The following PTPRD variants were observed in gnomAD, a reference collection of about 807,000 sequenced individuals.
PTPRD encodes the protein protein tyrosine phosphatase receptor type D.
In PTPRD, 34 loss-of-function variants were observed where a neutral mutation model predicts 214.5. That is an observed-to-expected ratio of 0.16 (90% CI 0.12 to 0.21). PTPRD has a LOEUF of 0.21. Ranked by LOEUF, PTPRD falls within the 10% of genes least tolerant of loss-of-function variation. PTPRD has a pLI of 1.00. For synonymous variants in PTPRD, 1,128 were observed against 845.7 expected (o/e 1.33, Z -5.79); for missense variants, 2,545 against 2,398.7 (o/e 1.06, Z -1.27).
At chr9:9,642,098 A>G (rs903180180) in intron 7 of PTPRD, among the ~76,000 whole-genome samples, 3 of 148,880 alleles carry the variant, frequency 2.0e-5, no homozygotes, top group African/African-American at 7.5e-5. Context: ...AAAAATGATG[A>G]GTTCATATCC....
chr9:8,356,791 A>C (rs1229336692), intron 39 of PTPRD, among the ~76,000 whole-genome samples: 1 of 152,192 alleles, frequency 6.6e-6, no homozygotes, highest in Non-Finnish European at 1.5e-5. Context: ...CAGGAAAAAA[A>C]TAACCAATTA....
At chr9:9,574,417 T>C (rs1307101625) in intron 8 of PTPRD, among the ~76,000 whole-genome samples, 2 of 151,988 alleles carry the variant, frequency 1.3e-5, no homozygotes, top group Non-Finnish European at 2.9e-5. Flanking sequence ...ATAGACTTCA[T>C]TATGAAAAAT....
At chr9:10,086,932 C>T (rs1046211343) in intron 3 of PTPRD, among the ~76,000 whole-genome samples, 1 of 151,746 alleles carries the variant, frequency 6.6e-6, no homozygotes, top group African/African-American at 2.4e-5. Flanking sequence ...TTATAGCAGT[C>T]TCCACTTTTA....
At chr9:9,377,146 C>T (rs2061005480) in intron 9 of PTPRD, among the ~76,000 whole-genome samples, 1 of 151,714 alleles carries the variant, frequency 6.6e-6, no homozygotes, top group Non-Finnish European at 1.5e-5. Context: ...ATAAAAACAT[C>T]CAGTTATAAG....
At chr9:8,675,832 C>T (rs1341090044) in intron 12 of PTPRD, among the ~76,000 whole-genome samples, 10 of 152,196 alleles carry the variant, frequency 6.6e-5, no homozygotes, top group Non-Finnish European at 5.9e-5. Context: ...TCTATATTTA[C>T]AGTAGCATCC....
At chr9:9,952,912 T>C (rs542712552) in intron 4 of PTPRD, among the ~76,000 whole-genome samples, 7 of 152,138 alleles carry the variant, frequency 4.6e-5, no homozygotes, top group Admixed American at 2.6e-4. Context: ...CTTAAATACC[T>C]ATATAAGAAT....
chr9:8,421,765 A>T (rs2094381487), intron 35 of PTPRD, among the ~76,000 whole-genome samples: 1 of 152,152 alleles, frequency 6.6e-6, no homozygotes, highest in Non-Finnish European at 1.5e-5. Flanking sequence ...CAAAGGTAGA[A>T]AAAAAAGCCC....
At chr9:9,702,374 T>C (rs2097523632) in intron 7 of PTPRD, among the ~76,000 whole-genome samples, 1 of 152,148 alleles carries the variant, frequency 6.6e-6, no homozygotes, top group African/African-American at 2.4e-5. Context: ...TATAATATCA[T>C]GGAACCCAAA....
At chr9:9,503,945 T>G (rs1396082202) in intron 8 of PTPRD, among the ~76,000 whole-genome samples, 1 of 151,804 alleles carries the variant, frequency 6.6e-6, no homozygotes, top group Non-Finnish European at 1.5e-5. Context: ...CCACTTTTGT[T>G]ATCCATTATT....
chr9:8,722,123 C>CTGTGTGTGTGTGTGTGTGTGTG (rs34720946), intron 12 of PTPRD, among the ~76,000 whole-genome samples: 26 of 147,480 alleles, frequency 1.8e-4, no homozygotes, highest in African/African-American at 3.5e-4. Flanking sequence ...AAGTATTACT[C>CTGTGTGTGTGTGTGTGTGTGTG]TGTGTGTGTG....
intron 11 of PTPRD, chr9:8,962,916 G>T (rs1262876380): frequency 3.9e-5 from 6 of 152,030 alleles, no homozygotes. Flanking sequence ...CGGCAATGTG[G>T]CTCTTAGGAA....
At chr9:9,989,305 T>C (rs2095832094) in intron 4 of PTPRD, among the ~76,000 whole-genome samples, 1 of 152,220 alleles carries the variant, frequency 6.6e-6, no homozygotes, top group East Asian at 1.9e-4. Flanking sequence ...CACTTGAATG[T>C]TGCCTTTTCC....
intron 9 of PTPRD, among the ~76,000 whole-genome samples, chr9:9,318,904 C>T (rs926672423): frequency 6.6e-6 from 1 of 152,136 alleles, no homozygotes; most frequent in Non-Finnish European, 1.5e-5. Flanking sequence ...TAGATTCATG[C>T]ATTGATTTAT....
chr9:10,053,418 G>T (rs1412758969), intron 3 of PTPRD, among the ~76,000 whole-genome samples: 2 of 152,068 alleles, frequency 1.3e-5, no homozygotes, highest in Non-Finnish European at 2.9e-5. Context: ...CTTGACTGAG[G>T]CATTTGGTCA....
At chr9:10,241,017 GA>G (rs71321234) in intron 3 of PTPRD, among the ~76,000 whole-genome samples, 19,434 of 144,896 alleles carry the variant, frequency 0.13, 1,300 homozygotes, top group African/African-American at 0.15. Flanking sequence ...TACCAGAGTA[GA>G]AAAAAAAAAA....
chr9:10,078,175 T>C (rs1200902253), intron 3 of PTPRD, among the ~76,000 whole-genome samples: 1 of 151,716 alleles, frequency 6.6e-6, no homozygotes, highest in Admixed American at 6.6e-5. Flanking sequence ...ATCAAATATC[T>C]TATACCAATA....
At chr9:8,353,461 A>G (rs1366516428) in intron 39 of PTPRD, among the ~76,000 whole-genome samples, 1 of 151,972 alleles carries the variant, frequency 6.6e-6, no homozygotes, top group Non-Finnish European at 1.5e-5. Flanking sequence ...ATGGAGTCTC[A>G]CTCTGCTGCC....
chr9:9,832,430 T>G (rs1033902156), intron 5 of PTPRD, among the ~76,000 whole-genome samples: 2 of 152,042 alleles, frequency 1.3e-5, no homozygotes, highest in African/African-American at 4.8e-5. Context: ...ACTGATGGAC[T>G]ATGTAACAGT....
intron 10 of PTPRD, among the ~76,000 whole-genome samples, chr9:9,037,578 A>C (rs2099625961): frequency 6.6e-6 from 1 of 152,154 alleles, no homozygotes; most frequent in Non-Finnish European, 1.5e-5. Context: ...TTGAACTCTG[A>C]GGATTCTTTA....
Sources: gnomAD v4.1 joint callset for allele counts (sites outside exome capture counted in the v4.1 genomes callset) on GRCh38, gnomAD v4.1.1 for gene constraint, MANE v1.5 for transcripts, NCBI Gene and HGNC (gene_info 2026-07-23, HGNC 2026-07-21) for gene names.